The following BYSL variants were observed in gnomAD, a reference collection of about 807,000 sequenced individuals.
The protein encoded by BYSL is bystin.
A neutral mutation model predicts 45.4 loss-of-function variants in BYSL; 21 were observed. That is an observed-to-expected ratio of 0.46 (90% confidence interval 0.33 to 0.67). The LOEUF (loss-of-function observed/expected upper bound fraction) is 0.67, where lower values mean the gene tolerates loss of function less well. Among genes scored for constraint, BYSL ranks in the 30% least tolerant of loss-of-function variants. The pLI, the probability that BYSL is intolerant of heterozygous loss-of-function variation, is 0.02. For missense variants in BYSL, 522 were observed against 578.5 expected (o/e 0.90, Z 1.00); for synonymous variants, 215 against 231.3 (o/e 0.93, Z 0.64).
Position 41,921,654 on chromosome 6 carries a change from C to T in BYSL, c.92C>T (p.Ala31Val), listed in dbSNP as rs1775476174. ...ATCCTGGCTGGGAATGCGGTGCGGGCGGGGGTCCGGGAGAAGCGGCGGGGT... is the reference window on the plus strand; with the variant it reads ...ATCCTGGCTGGGAATGCGGTGCGGGTGGGGGTCCGGGAGAAGCGGCGGGGT... ...DQILAGNAVR[A>V]GVREKRRGRG... Residue 31 changes from alanine (A) to valine (V), a missense_variant, in exon 1 of 7, where the codon GCG becomes GTG. By Grantham distance (64) the Ala-to-Val change is moderately conservative. Coordinates refer to ENST00000230340, the MANE Select transcript of BYSL (RefSeq NM_004053.4). 1.2e-6 allele frequency: 2 copies of T among 1,613,204 alleles called. No homozygotes were observed. Among genetic ancestry groups the T allele is most frequent in the Non-Finnish European group, 1.7e-6 (2 of 1,179,716 alleles).
chr6:41,921,929 A>C, intron 1 of BYSL, 99 bp downstream of exon 1: 2 of 1,448,398 alleles, frequency 1.4e-6, no homozygotes, highest in Non-Finnish European at 1.8e-6. Context: ...TCGAGTCAAC[A>C]AAGGGGTCCG....
At position 41,931,752 on chromosome 6, in the gene BYSL, C is replaced by G. The variant is rs1176875175; in HGVS notation, c.890C>G (p.Ser297Cys). The part of the protein sequence containing the change: ...FKGILIPLCE[S>C]GTCTLREAII... Reference sequence around the variant, plus strand: ...GGGATCCTGATTCCACTGTGCGAGTCTGGCACTTGTACCCTCCGGGAAGCC... The same window carrying G: ...GGGATCCTGATTCCACTGTGCGAGTGTGGCACTTGTACCCTCCGGGAAGCC... The change falls in exon 6 of 7, where the codon TCT becomes TGT. Residue 297 changes from serine to cysteine, a missense_variant. Physicochemically the swap from Ser to Cys is moderately radical, Grantham distance 112. Coordinates refer to ENST00000230340, the MANE Select transcript of BYSL (RefSeq NM_004053.4). 6.2e-7 allele frequency: 1 copy of G among 1,614,132 alleles called. No individual in the cohort carries two copies.
Position 41,931,575 on chromosome 6 carries a change from G to C in BYSL, c.865+19G>C. ...TTCAAAGGTGGGATCCCAGAGGCAC[G>C]GAAGAAAGGGAAGGGCTGGAGCTTC... is the stretch of plus-strand genomic sequence containing the variant. On this transcript the variant is annotated intron_variant, in intron 5 of 6. Coordinates refer to ENST00000230340, the MANE Select transcript of BYSL (RefSeq NM_004053.4). 1.2e-6 allele frequency: 2 copies of C among 1,614,078 alleles called. No individual in the cohort carries two copies. The highest frequency in any genetic ancestry group is 2.2e-5 in the East Asian group (1 of 44,878).
chr6:41,921,181 G>C, upstream of BYSL: 1 of 911,666 alleles, frequency 1.1e-6, no homozygotes, highest in South Asian at 1.8e-5. Context: ...CCAAGGAATG[G>C]GGCGTGTCTC....
chr6:41,927,702 T>A, intron 2 of BYSL, 166 bp downstream of exon 2: 2 of 733,538 alleles, frequency 2.7e-6, no homozygotes, highest in Non-Finnish European at 4.3e-6. Context: ...CCACTGTGAG[T>A]AGGAATGACC....
At chr6:41,910,202 G>C in the BYSL span, among the ~76,000 whole-genome samples, 7 of 152,260 alleles carry the variant, frequency 4.6e-5, 1 homozygote, top group African/African-American at 1.7e-4. Context: ...AGAGACCTCA[G>C]GATCTGGATC....
At chr6:41,920,884 C>T, upstream of BYSL, 1 of 1,313,322 alleles carries the variant, frequency 7.6e-7, no homozygotes, top group Non-Finnish European at 1.0e-6. Context: ...GGCATCCTCT[C>T]ATCTACACAA....
intron 1 of BYSL, among the ~76,000 whole-genome samples, chr6:41,924,908 G>T (rs774568123): frequency 6.6e-6 from 1 of 152,170 alleles, no homozygotes; most frequent in Non-Finnish European, 1.5e-5. Flanking sequence ...AGGTAAAATT[G>T]AATATGATTT....
At chr6:41,925,900 G>A (rs554989610) in intron 1 of BYSL, among the ~76,000 whole-genome samples, 106 of 151,810 alleles carry the variant, frequency 7.0e-4, no homozygotes, top group Non-Finnish European at 1.3e-3. Context: ...TAGTCAGGCT[G>A]GTCTCGAACT....
chr6:41,909,625 C>A, the BYSL span: 1 of 1,515,194 alleles, frequency 6.6e-7, no homozygotes, highest in Non-Finnish European at 9.0e-7. Context: ...AGCAATCTGG[C>A]ACTACCTCAG....
At chr6:41,916,980 C>CTGGATAACTG (rs1327771318), upstream of BYSL, 1 of 1,609,076 alleles carries the variant, frequency 6.2e-7, no homozygotes, top group Non-Finnish European at 8.5e-7. Flanking sequence ...TCCAGAGACA[C>CTGGATAACTG]ACGTGTGCTC....
rs145149806 is a variant in BYSL, at chr6:41,931,980, C to T, written c.968+150C>T. Reference sequence around the variant, plus strand: ...CCAATGAGTAGGTGTATCATTATCCCCCTCAATGTAAGTTGTGCAACAACA... The same window carrying T: ...CCAATGAGTAGGTGTATCATTATCCTCCTCAATGTAAGTTGTGCAACAACA... On this transcript the variant is annotated intron_variant, in intron 6 of 6. Transcript: ENST00000230340. The T allele has an allele frequency of 6.6e-4, 499 of 756,354 alleles. 7 individuals are homozygous for T. In the East Asian group the frequency reaches 0.013, roughly 20 times the overall value. 46.9% of individuals were successfully genotyped at this position (756,354 alleles called of 1,614,324 possible).
At chr6:41,916,492 A>C in the BYSL span, among the ~76,000 whole-genome samples, 1 of 152,052 alleles carries the variant, frequency 6.6e-6, no homozygotes, top group Non-Finnish European at 1.5e-5. Context: ...AGGCAGGAGA[A>C]TCACTTGAAC....
Position 41,932,777 on chromosome 6 carries a change from G to T in BYSL, c.*71G>T. ...AAGACCCCCGTTGGTGACTGAAGAT[G>T]ACACTGAGCTTTAATGGCTGAAGAC... On this transcript the variant is annotated 3_prime_UTR_variant, in exon 7 of 7. Coordinates refer to ENST00000230340, the MANE Select transcript of BYSL (RefSeq NM_004053.4). This position sits in a 1 kb window ranked among gnomAD's most constrained non-coding sequence, Gnocchi z 4.7. The T allele has an allele frequency of 6.8e-7, 1 of 1,467,846 alleles. No individual in the cohort carries two copies. 90.9% of individuals were successfully genotyped at this position (1,467,846 alleles called of 1,614,324 possible). A position where few individuals can be genotyped will look rare whatever the true frequency, so the allele number is the denominator to read the frequency against.
In BYSL at chr6:41,921,706, G is replaced by C; in HGVS notation, c.144G>C (p.Glu48Asp). ...RGRGTGEAEE[E>D]YVGPRLSRRI... ...GCGGGACAGGAGAAGCGGAGGAAGA[G>C]TATGTGGGGCCCCGGCTGAGCCGAC... The change falls in exon 1 of 7, where the codon GAG becomes GAC. Residue 48 changes from glutamate (E) to aspartate (D), a missense_variant. Physicochemically the swap from Glu to Asp is conservative, Grantham distance 45. Coordinates refer to ENST00000230340, the MANE Select transcript of BYSL (RefSeq NM_004053.4). The C allele has an allele frequency of 6.2e-7, 1 of 1,613,458 alleles. No homozygotes were observed. Among genetic ancestry groups the C allele is most frequent in the Non-Finnish European group, 8.5e-7 (1 of 1,179,800 alleles).
In BYSL at chr6:41,931,833, A is replaced by G; in HGVS notation, c.968+3A>G. 1 of 1,611,690 alleles carries G rather than the reference A, an allele frequency of 6.2e-7. No individual in the cohort carries two copies. Among genetic ancestry groups the G allele is most frequent in the Middle Eastern group, 1.7e-4 (1 of 6,054 alleles). On this transcript the variant is annotated splice_donor_region_variant and intron_variant, in intron 6 of 6. Transcript: ENST00000230340. ...TCCATCCCTGTGTTGCACTCCAGGT[A>G]GTATTGCTGGGGGTGGAAGGGGGCT...
intron 6 of BYSL, 132 bp downstream of exon 6, chr6:41,931,962 G>A: frequency 1.2e-6 from 1 of 841,258 alleles, no homozygotes; most frequent in Admixed American, 2.0e-5. Context: ...AAGCCAATGA[G>A]TAGGTGTATC....
chr6:41,910,582 A>C, the BYSL span, among the ~76,000 whole-genome samples: 1 of 151,138 alleles, frequency 6.6e-6, no homozygotes. Flanking sequence ...CAGTGAGTTG[A>C]GAGCGTGTCA....
chr6:41,927,822 C>T (rs1360479508), intron 2 of BYSL, among the ~76,000 whole-genome samples: 4 of 152,154 alleles, frequency 2.6e-5, no homozygotes, highest in African/African-American at 9.7e-5. Flanking sequence ...CATCCTATTG[C>T]ATTTGGTTTT....
Sources: gnomAD v4.1 joint callset for allele counts (sites outside exome capture counted in the v4.1 genomes callset) on GRCh38, gnomAD v4.1.1 for gene constraint, Gnocchi (gnomAD v3.1) non-coding constraint, MANE v1.5 for transcripts, NCBI Gene and HGNC (gene_info 2026-07-23, HGNC 2026-07-21) for gene names.